Variants in TAFA4 observed in about 807,000 individuals in gnomAD.
TAFA4 encodes chemokine-like protein TAFA-4.
A neutral mutation model predicts 21.1 loss-of-function variants in TAFA4; 20 were observed. The ratio of observed to expected loss-of-function variants is 0.95; its 90% CI spans 0.67 to 1.38. TAFA4 has a LOEUF of 1.38. TAFA4 is among the 40% of genes most tolerant of loss of function. The pLI, the probability that TAFA4 is intolerant of heterozygous loss-of-function variation, is 0.00. For synonymous variants in TAFA4, 71 were observed against 67.4 expected, an observed-to-expected ratio of 1.05 and a Z score of -0.26; for missense variants, 211 against 180.9, an observed-to-expected ratio of 1.17 and a Z score of -0.95.
chr3:68,886,161 T>C (rs1575658148), intron 1 of TAFA4, among the ~76,000 whole-genome samples: 1 of 152,312 alleles, frequency 6.6e-6, no homozygotes, highest in South Asian at 2.1e-4. Flanking sequence ...GTAGAACCAA[T>C]TAAGAATCCA....
chr3:68,825,031 G>A (rs4855529), intron 3 of TAFA4, among the ~76,000 whole-genome samples: 3,808 of 152,194 alleles, frequency 0.025, 115 homozygotes, highest in East Asian at 0.11. Context: ...TTGTTACATA[G>A]GTAAACATGT....
intron 3 of TAFA4, among the ~76,000 whole-genome samples, chr3:68,867,882 C>G (rs2106932227): frequency 6.6e-6 from 1 of 150,448 alleles, no homozygotes; most frequent in South Asian, 2.1e-4. Flanking sequence ...AAACATATTA[C>G]CAGAGAAAAA....
At chr3:68,825,913 G>C (rs1447632091) in intron 3 of TAFA4, among the ~76,000 whole-genome samples, 1 of 152,188 alleles carries the variant, frequency 6.6e-6, no homozygotes, top group Non-Finnish European at 1.5e-5. Flanking sequence ...GATTCAGGCA[G>C]AGAGCAACAC....
At chr3:68,926,311 G>C (rs2090107785) in intron 1 of TAFA4, among the ~76,000 whole-genome samples, 1 of 151,942 alleles carries the variant, frequency 6.6e-6, no homozygotes, top group African/African-American at 2.4e-5. Flanking sequence ...AGTTTAAAAA[G>C]GAATTGTCTC....
rs1378367227 is a variant in TAFA4 at position 68,854,532 on chromosome 3, G to T, written c.130+26198C>A. Among the ~76,000 whole-genome samples, 3 of 151,974 alleles carry T rather than the reference G, an allele frequency of 2.0e-5. No individual in the cohort carries two copies. In the East Asian group the frequency reaches 5.8e-4, roughly 29 times the overall value. ...TGTGAGTTATCTGAGCTCCTTTCTG[G>T]GCAAGCACCAAGTCTTAGGAGTCTT... On this transcript the variant is annotated intron_variant, in intron 3 of 5. Transcript: ENST00000295569.
At chr3:68,795,886 G>T (rs1703445737) in intron 3 of TAFA4, among the ~76,000 whole-genome samples, 1 of 152,150 alleles carries the variant, frequency 6.6e-6, no homozygotes, top group Non-Finnish European at 1.5e-5. Context: ...ACAGATGTGG[G>T]TGTTGTGATC....
At chr3:68,773,375 C>A (rs1380047464) in intron 3 of TAFA4, among the ~76,000 whole-genome samples, 4 of 152,214 alleles carry the variant, frequency 2.6e-5, no homozygotes, top group African/African-American at 9.6e-5. Context: ...ATTCAGGGTA[C>A]AACACCCTCC....
chr3:68,903,520 G>A (rs541244772), intron 1 of TAFA4, among the ~76,000 whole-genome samples: 1 of 152,190 alleles, frequency 6.6e-6, no homozygotes, highest in Non-Finnish European at 1.5e-5. Context: ...AGGCTTGCTT[G>A]AAGATCATGT....
chr3:68,783,012 T>A lies in TAFA4; in HGVS notation c.131-29994A>T, dbSNP rs116797723. On this transcript the variant is annotated intron_variant, in intron 3 of 5. Coordinates refer to ENST00000295569, the MANE Select transcript of TAFA4 (RefSeq NM_182522.5). Reference sequence around the variant, plus strand: ...CAGTTGATTTAATGTTAAAAATAGATCAATGTAACTCACCAATATGACCAT... The same window carrying A: ...CAGTTGATTTAATGTTAAAAATAGAACAATGTAACTCACCAATATGACCAT... Among the ~76,000 whole-genome samples the A allele has an allele frequency of 1.0e-2, 1,523 of 152,314 alleles. 15 individuals carry two copies. The highest frequency in any genetic ancestry group is 0.015 in the Non-Finnish European group (1,048 of 68,022).
At chr3:68,866,030 G>A (rs1028197593) in intron 3 of TAFA4, among the ~76,000 whole-genome samples, 2 of 152,114 alleles carry the variant, frequency 1.3e-5, no homozygotes, top group Admixed American at 6.6e-5. Flanking sequence ...CTTGTTCAGG[G>A]AAACTATTCC....
intron 1 of TAFA4, among the ~76,000 whole-genome samples, chr3:68,889,894 C>T (rs2089714027): frequency 6.6e-6 from 1 of 152,146 alleles, no homozygotes; most frequent in Non-Finnish European, 1.5e-5. Flanking sequence ...TAGTCATCCT[C>T]AGAATGAACT....
chr3:68,784,098 GTCA>G (rs1377969839), intron 3 of TAFA4, among the ~76,000 whole-genome samples: 1 of 152,208 alleles, frequency 6.6e-6, no homozygotes, highest in African/African-American at 2.4e-5. Context: ...CAGATTGCTT[GTCA>G]TCATATGAAA....
In TAFA4 at chr3:68,811,621, A is replaced by G. The variant is rs922678637; in HGVS notation, c.131-58603T>C. On this transcript the variant is annotated intron_variant, in intron 3 of 5. Coordinates refer to ENST00000295569, the MANE Select transcript of TAFA4 (RefSeq NM_182522.5). ...AAATGAAGCGAGAAGAGAAGTTTAG[A>G]GAAAAAAGAATAAAAAGAAATGAAC... 1.6e-4 allele frequency among the ~76,000 whole-genome samples: 24 copies of G among 152,340 alleles called. No individual in the cohort carries two copies. In the East Asian group the frequency reaches 4.6e-3, roughly 29 times the overall value.
At chr3:68,903,312 T>A (rs1575665582) in intron 1 of TAFA4, among the ~76,000 whole-genome samples, 1 of 152,082 alleles carries the variant, frequency 6.6e-6, no homozygotes, top group South Asian at 2.1e-4. Flanking sequence ...GAAAAAAAAA[T>A]GACATCTTAA....
intron 3 of TAFA4, among the ~76,000 whole-genome samples, chr3:68,807,613 A>G (rs1703732074): frequency 6.6e-6 from 1 of 152,188 alleles, no homozygotes; most frequent in Non-Finnish European, 1.5e-5. Flanking sequence ...TAATTATAAG[A>G]GCTTAGATCC....
intron 3 of TAFA4, among the ~76,000 whole-genome samples, chr3:68,818,477 G>C (rs1240653017): frequency 6.6e-6 from 1 of 152,202 alleles, no homozygotes; most frequent in East Asian, 1.9e-4. Context: ...TTTGGTGCAA[G>C]AGGCCTAGCT....
At chr3:68,743,393 T>G (rs1166002843) in intron 4 of TAFA4, among the ~76,000 whole-genome samples, 1 of 151,868 alleles carries the variant, frequency 6.6e-6, no homozygotes, top group Admixed American at 6.6e-5. Context: ...CTAGCCAACG[T>G]GATGAAACCC....
intron 4 of TAFA4, among the ~76,000 whole-genome samples, chr3:68,743,687 C>A (rs1011010206): frequency 6.6e-6 from 1 of 152,026 alleles, no homozygotes; most frequent in Non-Finnish European, 1.5e-5. Context: ...CTTCTACTTA[C>A]TGTTCCTCTT....
chr3:68,771,577 C>G (rs1431579129), intron 3 of TAFA4, among the ~76,000 whole-genome samples: 1 of 152,130 alleles, frequency 6.6e-6, no homozygotes, highest in Non-Finnish European at 1.5e-5. Flanking sequence ...CAGATTAAAA[C>G]CCAACAAAAA....
Sources: gnomAD v4.1 joint callset for allele counts (sites outside exome capture counted in the v4.1 genomes callset) on GRCh38, gnomAD v4.1.1 for gene constraint, MANE v1.5 for transcripts, NCBI Gene and HGNC (gene_info 2026-07-23, HGNC 2026-07-21) for gene names.